The following PPA2 variants were observed in gnomAD, a reference collection of about 807,000 sequenced individuals.
PPA2 encodes the protein inorganic pyrophosphatase 2, mitochondrial.
A neutral mutation model predicts 49.5 loss-of-function variants in PPA2; 48 were observed. The observed-to-expected ratio is 0.97, with a 90% CI of 0.77 to 1.23. The LOEUF (loss-of-function observed/expected upper bound fraction) is 1.23. PPA2 is among the 50% of genes most tolerant of loss of function. PPA2 has a pLI of 0.00. For missense variants in PPA2, 429 were observed against 410.1 expected (o/e 1.05, Z -0.40); for synonymous variants, 131 against 139.9 (o/e 0.94, Z 0.45).
At chr4:105,448,009 G>T in intron 4 of PPA2, 3 of 313,822 alleles carry the variant, frequency 9.6e-6, no homozygotes, top group Admixed American at 4.1e-5. Context: ...GTTTCTCAAT[G>T]GGCTGGGATT....
intron 7 of PPA2, among the ~76,000 whole-genome samples, chr4:105,408,027 G>C (rs1419024217): frequency 6.6e-6 from 1 of 152,120 alleles, no homozygotes; most frequent in African/African-American, 2.4e-5. Context: ...AAATATAAAA[G>C]AGAGAGAGAG....
chr4:105,409,925 C>T (rs1000028923), intron 7 of PPA2, among the ~76,000 whole-genome samples: 5 of 152,118 alleles, frequency 3.3e-5, no homozygotes, highest in Non-Finnish European at 7.4e-5. Flanking sequence ...ACATCAAAGA[C>T]CAAAGGTAGA....
chr4:105,421,271 A>T (rs1019568331), intron 7 of PPA2, among the ~76,000 whole-genome samples: 2 of 152,226 alleles, frequency 1.3e-5, no homozygotes, highest in Non-Finnish European at 1.5e-5. Flanking sequence ...AAATGCATAA[A>T]TTAAGAAATA....
At chr4:105,443,591 T>TCACACACA (rs56765056) in intron 5 of PPA2, among the ~76,000 whole-genome samples, 74 of 145,516 alleles carry the variant, frequency 5.1e-4, no homozygotes, top group Non-Finnish European at 8.5e-4. Flanking sequence ...TATGGTGTAT[T>TCACACACA]CACACACACA....
intron 7 of PPA2, among the ~76,000 whole-genome samples, chr4:105,408,377 T>C (rs574030781): frequency 6.6e-6 from 1 of 151,896 alleles, no homozygotes; most frequent in South Asian, 2.1e-4. Context: ...TGGATTTTTC[T>C]GTAAGCTCTG....
chr4:105,440,329 T>G (rs927755403), intron 5 of PPA2, among the ~76,000 whole-genome samples: 4 of 70,124 alleles, frequency 5.7e-5, no homozygotes, highest in African/African-American at 1.2e-4. Flanking sequence ...TGGCACGATC[T>G]TGGCTCACTG....
chr4:105,378,967 A>T (rs1218680942), intron 10 of PPA2, among the ~76,000 whole-genome samples: 2 of 152,082 alleles, frequency 1.3e-5, no homozygotes, highest in Non-Finnish European at 2.9e-5. Flanking sequence ...TCCTTTACCA[A>T]GGTTAGACTA....
intron 9 of PPA2, among the ~76,000 whole-genome samples, chr4:105,391,301 C>T (rs898884910): frequency 6.2e-5 from 8 of 128,264 alleles, no homozygotes; most frequent in African/African-American, 2.5e-4. Flanking sequence ...ACCTATGTAA[C>T]AAACCTGCAT....
At chr4:105,384,845 C>T (rs74489067) in intron 10 of PPA2, among the ~76,000 whole-genome samples, 3,097 of 152,192 alleles carry the variant, frequency 0.02, 48 homozygotes, top group Middle Eastern at 0.061. Flanking sequence ...TTTAATGGTT[C>T]CCTACCTCAT....
chr4:105,406,773 C>G (rs1405093745), intron 7 of PPA2, among the ~76,000 whole-genome samples: 1 of 152,060 alleles, frequency 6.6e-6, no homozygotes, highest in Non-Finnish European at 1.5e-5. Context: ...TGAAAGAAAT[C>G]CATGTATAAG....
intron 10 of PPA2, among the ~76,000 whole-genome samples, chr4:105,373,295 A>C (rs1423371024): frequency 6.6e-6 from 1 of 152,130 alleles, no homozygotes; most frequent in Non-Finnish European, 1.5e-5. Flanking sequence ...ACAACATAAA[A>C]ATTGTACTCC....
chr4:105,424,217 G>A lies in PPA2; in HGVS notation c.634C>T (p.Pro212Ser), dbSNP rs537737764. Reference sequence around the variant, plus strand: ...TTACCATGAAACTTTGAGGCTTCAGGATCATTCGCATTGATAGCAATTAAT... The same window carrying A: ...TTACCATGAAACTTTGAGGCTTCAGAATCATTCGCATTGATAGCAATTAAT... Reference protein sequence around the residue: ...WKLIAINANDPEASKFHDIDD... With the variant: ...WKLIAINANDSEASKFHDIDD... Residue 212 changes from proline (P) to serine (S), a missense_variant, in exon 7 of 12, where the codon CCT becomes TCT. Coordinates refer to ENST00000341695, the MANE Select transcript of PPA2 (RefSeq NM_176869.3). 3 of 1,606,812 alleles carry A rather than the reference G, an allele frequency of 1.9e-6. No homozygotes were observed. Among genetic ancestry groups the A allele is most frequent in the African/African-American group, 2.7e-5 (2 of 74,596 alleles).
At chr4:105,446,629 A>G (rs1019865397) in intron 4 of PPA2, 127 bp from the exon 5 acceptor site, 2 of 1,171,812 alleles carry the variant, frequency 1.7e-6, no homozygotes, top group Admixed American at 2.9e-5. Context: ...ATGATCAAAG[A>G]TGCTTTAAAA....
intron 7 of PPA2, among the ~76,000 whole-genome samples, chr4:105,416,067 A>G (rs1578838038): frequency 6.6e-6 from 1 of 152,230 alleles, no homozygotes; most frequent in African/African-American, 2.4e-5. Flanking sequence ...GAAAAGAATT[A>G]ATTAATGGAA....
intron 7 of PPA2, among the ~76,000 whole-genome samples, chr4:105,407,772 A>G (rs113021829): frequency 8.5e-5 from 13 of 152,198 alleles, no homozygotes; most frequent in African/African-American, 2.9e-4. Context: ...GACTCCATTG[A>G]TAGGTAATTC....
In PPA2 at chr4:105,464,739, CAT is replaced by C. The variant is rs1437052044; in HGVS notation, c.158-7996_158-7995del. ...CTGCACTAGCTCTCTTGTCTGCCAC[CAT>C]ATGATACATGCCCTTCACCTTCGGC... On this transcript the variant is annotated intron_variant, in intron 1 of 11. Coordinates refer to ENST00000341695, the MANE Select transcript of PPA2 (RefSeq NM_176869.3). Among the ~76,000 whole-genome samples the C allele has an allele frequency of 2.0e-5, 3 of 152,174 alleles. No homozygotes were observed. In the East Asian group the frequency reaches 5.8e-4, roughly 29 times the overall value.
chr4:105,415,488 C>T (rs1170296592), intron 7 of PPA2, among the ~76,000 whole-genome samples: 1 of 152,230 alleles, frequency 6.6e-6, no homozygotes, highest in Non-Finnish European at 1.5e-5. Context: ...GACTTCACTC[C>T]AAAATCAGAG....
At chr4:105,372,324 A>C (rs1733060706) in intron 10 of PPA2, among the ~76,000 whole-genome samples, 1 of 152,202 alleles carries the variant, frequency 6.6e-6, no homozygotes, top group Non-Finnish European at 1.5e-5. Context: ...AATAACGGCC[A>C]AGTATGACCC....
At chr4:105,429,786 T>A (rs1723713305) in intron 6 of PPA2, among the ~76,000 whole-genome samples, 1 of 152,202 alleles carries the variant, frequency 6.6e-6, no homozygotes, top group Admixed American at 6.5e-5. Context: ...TGCTTCATAG[T>A]ACCTTTTTAA....
Sources: allele counts gnomAD v4.1 joint callset (sites outside exome capture counted in the v4.1 genomes callset), GRCh38; gene constraint gnomAD v4.1.1; transcripts MANE v1.5; gene names NCBI Gene and HGNC (gene_info 2026-07-23, HGNC 2026-07-21).